Variants in FANCL observed in about 807,000 individuals in gnomAD.
The protein encoded by FANCL is E3 ubiquitin-protein ligase FANCL.
In FANCL, 69 loss-of-function variants were observed where a neutral mutation model predicts 59.4. That is an observed-to-expected ratio of 1.16 (90% confidence interval 0.96 to 1.42). The LOEUF (loss-of-function observed/expected upper bound fraction) is 1.42, where lower values mean the gene tolerates loss of function less well. Ranked by LOEUF, FANCL falls within the 40% of genes most tolerant of loss-of-function variation. The probability of loss-of-function intolerance (pLI) is 0.00; values close to 1 mark genes in which losing one functional copy is unlikely to be tolerated. For synonymous variants in FANCL, 180 were observed against 147.1 expected (o/e 1.22, Z -1.62); for missense variants, 519 against 447.2 (o/e 1.16, Z -1.45).
chr2:58,167,985 T>A (rs6747314), intron 7 of FANCL, among the ~76,000 whole-genome samples: 9,449 of 152,066 alleles, frequency 0.062, 974 homozygotes, highest in African/African-American at 0.22. Context: ...TTGAAAAAAA[T>A]AAATTATTTC....
At chr2:58,168,540 C>T (rs1266042742) in intron 7 of FANCL, among the ~76,000 whole-genome samples, 1 of 152,064 alleles carries the variant, frequency 6.6e-6, no homozygotes, top group African/African-American at 2.4e-5. Context: ...AGACATTGAG[C>T]TAGCTACAGG....
At chr2:58,203,468 C>A (rs1170975702) in intron 6 of FANCL, among the ~76,000 whole-genome samples, 3 of 151,568 alleles carry the variant, frequency 2.0e-5, no homozygotes, top group East Asian at 3.9e-4. Flanking sequence ...CCAGTGATTA[C>A]TAGGTAAATG....
Position 58,226,713 on chromosome 2 carries a change from A to C in FANCL, c.273+15T>G, listed in dbSNP as rs1693039842. On this transcript the variant is annotated intron_variant, in intron 4 of 13. Transcript: ENST00000233741. ...GCAGTATGGTAACAGTGTCAGAAAA[A>C]AAAAAAATTCTTACCAAAAGCATCT... is the stretch of plus-strand genomic sequence containing the variant. The C allele has an allele frequency of 1.9e-6, 3 of 1,611,342 alleles. No homozygotes were observed. Among genetic ancestry groups the C allele is most frequent in the Non-Finnish European group, 2.5e-6 (3 of 1,177,828 alleles).
intron 7 of FANCL, among the ~76,000 whole-genome samples, chr2:58,191,743 G>C (rs779753992): frequency 1.2e-4 from 18 of 151,832 alleles, no homozygotes; most frequent in Non-Finnish European, 5.9e-5. Context: ...CACATGGAGA[G>C]AGACTACTTC....
chr2:58,222,086 C>A, intron 4 of FANCL, 44 bp from the exon 5 acceptor site: 2 of 1,355,852 alleles, frequency 1.5e-6, no homozygotes, highest in Non-Finnish European at 2.1e-6. Context: ...GAACGCAAGA[C>A]AATGAACTGT....
chr2:58,161,463 G>C lies in FANCL; in HGVS notation c.1020+59C>G, dbSNP rs1050174755. ...TTTTAGATTCTGTGTATTTCAAACA[G>C]GAATACTTCCTATGTTGTGTTAGCG... is the stretch of plus-strand genomic sequence containing the variant. On this transcript the variant is annotated intron_variant, in intron 12 of 13. Coordinates refer to ENST00000233741, the MANE Select transcript of FANCL (RefSeq NM_018062.4). 1.4e-5 allele frequency: 15 copies of C among 1,054,794 alleles called. No homozygotes were observed. In the African/African-American group the frequency reaches 2.4e-4, roughly 17 times the overall value. The allele number at this position is 1,054,794 out of a possible 1,614,324, so 65.3% of individuals were successfully genotyped here. A position where few individuals can be genotyped will look rare whatever the true frequency, so the allele number is the denominator to read the frequency against.
intron 5 of FANCL, among the ~76,000 whole-genome samples, chr2:58,215,783 C>T (rs1691657868): frequency 1.3e-5 from 2 of 151,584 alleles, no homozygotes; most frequent in South Asian, 2.1e-4. Context: ...AGGCCAGAAT[C>T]TGGGGAAAGG....
At position 58,159,659 on chromosome 2, in the gene FANCL, T is replaced by C; in HGVS notation, c.*106A>G. ...TATCGCATCATCATACCTGTCCTTT[T>C]GATGTTAGTATTTCTTGCTTTATTT... On this transcript the variant is annotated 3_prime_UTR_variant, in exon 14 of 14. Coordinates refer to ENST00000233741, the MANE Select transcript of FANCL (RefSeq NM_018062.4). 1 of 1,613,392 alleles carries C rather than the reference T, an allele frequency of 6.2e-7. No homozygotes were observed. The highest frequency in any genetic ancestry group is 8.5e-7 in the Non-Finnish European group (1 of 1,179,634).
chr2:58,167,480 T>C (rs912677316), intron 7 of FANCL, among the ~76,000 whole-genome samples: 2 of 152,330 alleles, frequency 1.3e-5, no homozygotes, highest in East Asian at 1.9e-4. Context: ...ATACCCAAGA[T>C]AAGGTTAACT....
chr2:58,210,946 G>T (rs1357655257), intron 5 of FANCL, among the ~76,000 whole-genome samples: 2 of 152,188 alleles, frequency 1.3e-5, no homozygotes, highest in Non-Finnish European at 2.9e-5. Context: ...TGAGTTCATG[G>T]GCTGGTGTTG....
At chr2:58,203,525 A>C (rs1690260250) in intron 6 of FANCL, among the ~76,000 whole-genome samples, 1 of 152,036 alleles carries the variant, frequency 6.6e-6, no homozygotes, top group South Asian at 2.1e-4. Context: ...CCAAATTCAC[A>C]ATTTAGAACT....
chr2:58,187,472 G>A (rs1053208899), intron 7 of FANCL, among the ~76,000 whole-genome samples: 1 of 151,612 alleles, frequency 6.6e-6, no homozygotes, highest in African/African-American at 2.4e-5. Context: ...TGCAAATGAC[G>A]AGTTAATGGG....
Position 58,160,133 on chromosome 2 carries a change from A to C in FANCL, c.1067T>G (p.Phe356Cys), listed in dbSNP as rs773869051. The C allele has an allele frequency of 3.1e-6, 5 of 1,612,798 alleles. No individual in the cohort carries two copies. In the African/African-American group the frequency reaches 4.0e-5, roughly 13 times the overall value. ...LTSRQSFNII[F>C]GECPYCSKPI... ...CTTACTACAATATGGACATTCACCAAATATGATGTTAAAACTCTGTCTACT... is the reference window on the plus strand; with the variant it reads ...CTTACTACAATATGGACATTCACCACATATGATGTTAAAACTCTGTCTACT... Residue 356 changes from phenylalanine to cysteine, a missense_variant, in exon 13 of 14, where the codon TTT (phenylalanine) becomes TGT (cysteine). Phe to Cys is a radical substitution (Grantham distance 205, BLOSUM62 -2). Coordinates refer to ENST00000233741, the MANE Select transcript of FANCL (RefSeq NM_018062.4).
At position 58,159,407 on chromosome 2, in the gene FANCL, A is replaced by ACAGTTTC; in HGVS notation, c.*351_*357dup. 6.2e-7 allele frequency: 1 copy of ACAGTTTC among 1,613,564 alleles called. No homozygotes were observed. The highest frequency in any genetic ancestry group is 8.5e-7 in the Non-Finnish European group (1 of 1,179,706). On this transcript the variant is annotated 3_prime_UTR_variant, in exon 14 of 14. Transcript: ENST00000233741. ...TCTCAAGAACCTTTGAATGAAGTAA[A>ACAGTTTC]CAGTTTCCCACAAAAAATCAGCTAT...
intron 4 of FANCL, among the ~76,000 whole-genome samples, chr2:58,226,259 T>A (rs946265430): frequency 6.6e-6 from 1 of 152,164 alleles, no homozygotes; most frequent in African/African-American, 2.4e-5. Context: ...ATAAAATGTC[T>A]ACAGGATAAA....
chr2:58,238,089 T>A (rs977320731), intron 1 of FANCL, among the ~76,000 whole-genome samples: 1 of 152,216 alleles, frequency 6.6e-6, no homozygotes, highest in Admixed American at 6.5e-5. Flanking sequence ...CTTGACCAAC[T>A]GGCAGCCCAG....
chr2:58,159,720 ATTT>A lies in FANCL; in HGVS notation c.*42_*44del. The A allele has an allele frequency of 6.2e-7, 1 of 1,611,934 alleles. No individual in the cohort carries two copies. The highest frequency in any genetic ancestry group is 8.5e-7 in the Non-Finnish European group (1 of 1,179,338). ...GATGATACCAAAATTCCTTTTGATA[ATTT>A]TTTAAGTTTCCAGCTCTTCACCGAA... is the stretch of plus-strand genomic sequence containing the variant. On this transcript the variant is annotated 3_prime_UTR_variant, in exon 14 of 14. Transcript: ENST00000233741.
chr2:58,175,655 A>G (rs1687219662), intron 7 of FANCL, among the ~76,000 whole-genome samples: 1 of 152,236 alleles, frequency 6.6e-6, no homozygotes, highest in Non-Finnish European at 1.5e-5. Flanking sequence ...AGAGCTATCT[A>G]TGACAAACCC....
chr2:58,219,697 T>C (rs1226479573), intron 5 of FANCL, among the ~76,000 whole-genome samples: 1 of 151,990 alleles, frequency 6.6e-6, no homozygotes, highest in African/African-American at 2.4e-5. Context: ...AAATCCTATA[T>C]CCAGCATGGC....
Sources: allele counts gnomAD v4.1 joint callset (sites outside exome capture counted in the v4.1 genomes callset), GRCh38; gene constraint gnomAD v4.1.1; transcripts MANE v1.5; gene names NCBI Gene and HGNC (gene_info 2026-07-23, HGNC 2026-07-21).